The following SFI1 variants were observed in gnomAD, a reference collection of about 807,000 sequenced individuals.
The protein encoded by SFI1 is SFI1 centrin binding protein.
In SFI1, 195 loss-of-function variants were observed where a neutral mutation model predicts 207.5. The observed-to-expected ratio is 0.94, with a 90% CI of 0.84 to 1.06. SFI1 has a LOEUF of 1.06. Among genes scored for constraint, SFI1 ranks in the 50% least tolerant of loss-of-function variants. SFI1 has a pLI of 0.00. For synonymous variants in SFI1, 630 were observed against 598.9 expected, an observed-to-expected ratio of 1.05 and a Z score of -0.76; for missense variants, 1,634 against 1,588.0, an observed-to-expected ratio of 1.03 and a Z score of -0.49.
At chr22:31,569,702 C>G (rs1224584499) in intron 8 of SFI1, among the ~76,000 whole-genome samples, 1 of 152,170 alleles carries the variant, frequency 6.6e-6, no homozygotes, top group Admixed American at 6.6e-5. Flanking sequence ...AATCCCAGCA[C>G]TTTGGGAAGC....
At chr22:31,601,944 C>T (rs2068171707) in intron 15 of SFI1, among the ~76,000 whole-genome samples, 1 of 142,136 alleles carries the variant, frequency 7.0e-6, no homozygotes, top group Non-Finnish European at 1.6e-5. Context: ...AGGCACACAC[C>T]ATCACACCCA....
At chr22:31,500,050 A>C (rs1456195001) in intron 1 of SFI1, among the ~76,000 whole-genome samples, 1 of 148,848 alleles carries the variant, frequency 6.7e-6, no homozygotes, top group African/African-American at 2.5e-5. Flanking sequence ...CCTGCATTAC[A>C]GGCTCATGCC....
At chr22:31,603,606 C>T (rs892679615) in intron 17 of SFI1, 138 bp from the exon 18 acceptor site, 2 of 613,448 alleles carry the variant, frequency 3.3e-6, no homozygotes, top group African/African-American at 1.9e-5. Flanking sequence ...ACTGCAAGTT[C>T]TTTGGCAGCT....
intron 15 of SFI1, among the ~76,000 whole-genome samples, chr22:31,597,985 T>G (rs1244558254): frequency 6.6e-6 from 1 of 151,930 alleles, no homozygotes; most frequent in African/African-American, 2.4e-5. Context: ...TCATAGGTTT[T>G]TTTTTTTTTT....
chr22:31,584,748 G>A (rs757419284), intron 13 of SFI1, among the ~76,000 whole-genome samples: 26 of 151,934 alleles, frequency 1.7e-4, no homozygotes, highest in Non-Finnish European at 2.6e-4. Flanking sequence ...GACCCCCAGC[G>A]TTTGGCCATG....
In SFI1 at chr22:31,615,140, T is replaced by C. The variant is rs2071184090; in HGVS notation, c.3161T>C (p.Leu1054Pro). The C allele has an allele frequency of 6.2e-7, 1 of 1,608,938 alleles. No individual in the cohort carries two copies. The highest frequency in any genetic ancestry group is 8.5e-7 in the Non-Finnish European group (1 of 1,178,150). The change falls in exon 29 of 33, where the codon CTG becomes CCG. Residue 1054 changes from leucine (L) to proline (P), a missense_variant. Coordinates refer to ENST00000400288, the MANE Select transcript of SFI1 (RefSeq NM_001007467.3). ...RPFLAEAPTA[L>P]VPHSPLPGAL... The stretch of plus-strand genomic sequence containing the variant: ...TTCCTGGCAGAGGCCCCGACAGCAC[T>C]GGTCCCACACAGCCCCCTGCCTGGG...
At chr22:31,569,480 G>A (rs1336837436) in intron 8 of SFI1, among the ~76,000 whole-genome samples, 1 of 152,182 alleles carries the variant, frequency 6.6e-6, no homozygotes, top group Non-Finnish European at 1.5e-5. Context: ...CGAGGTTACA[G>A]TCAGCCAAAT....
chr22:31,557,319 C>T (rs1446158396), intron 7 of SFI1, among the ~76,000 whole-genome samples: 1 of 151,896 alleles, frequency 6.6e-6, no homozygotes, highest in Non-Finnish European at 1.5e-5. Context: ...GCTAGGACTA[C>T]AGGCATGCGC....
chr22:31,576,801 G>A lies in SFI1; in HGVS notation c.1084+1409G>A, dbSNP rs544670131. On this transcript the variant is annotated intron_variant, in intron 10 of 32. Coordinates refer to ENST00000400288, the MANE Select transcript of SFI1 (RefSeq NM_001007467.3). ...ATTACAGGCATGCACCACCATGTCC[G>A]GCTAATTTTTTTGTATTTTTAGTAG... is the stretch of plus-strand genomic sequence containing the variant. 1.6e-4 allele frequency among the ~76,000 whole-genome samples: 24 copies of A among 151,834 alleles called. 1 individual carries two copies. The South Asian group carries it at 5.0e-3, about 32-fold the overall frequency.
chr22:31,571,131 G>A (rs1730393021), intron 8 of SFI1, among the ~76,000 whole-genome samples: 1 of 149,752 alleles, frequency 6.7e-6, no homozygotes, highest in African/African-American at 2.4e-5. Context: ...ATGCGGTCTA[G>A]AGTCTAGAGA....
chr22:31,524,227 C>T (rs984991031), intron 2 of SFI1, among the ~76,000 whole-genome samples: 2 of 151,932 alleles, frequency 1.3e-5, no homozygotes, highest in South Asian at 4.2e-4. Flanking sequence ...AAAAAGTGTT[C>T]CCTTTTCTCT....
chr22:31,584,428 A>C (rs2064756865), intron 13 of SFI1, among the ~76,000 whole-genome samples: 1 of 152,168 alleles, frequency 6.6e-6, no homozygotes, highest in Non-Finnish European at 1.5e-5. Context: ...GGAAAGTATA[A>C]AGGGAAAAAT....
At position 31,616,728 on chromosome 22, in the gene SFI1, C is replaced by T. The variant is rs536141578; in HGVS notation, c.3301-17C>T. The T allele has an allele frequency of 6.6e-7, 1 of 1,523,056 alleles. No homozygotes were observed. The highest frequency in any genetic ancestry group is 8.8e-7 in the Non-Finnish European group (1 of 1,138,254). 94.3% of individuals were successfully genotyped at this position (1,523,056 alleles called of 1,614,324 possible). On this transcript the variant is annotated splice_polypyrimidine_tract_variant and intron_variant, in intron 29 of 32. Coordinates refer to ENST00000400288, the MANE Select transcript of SFI1 (RefSeq NM_001007467.3). ...CCTAGCTTCCTTGCTCAGCATCTAC[C>T]CTTCTTTCCTTTGCAGGTGTCAGCA...
chr22:31,520,093 C>G (rs2057034447), intron 2 of SFI1, among the ~76,000 whole-genome samples: 1 of 149,096 alleles, frequency 6.7e-6, no homozygotes, highest in East Asian at 2.0e-4. Flanking sequence ...AAATATAACA[C>G]AAATACAGAA....
At chr22:31,562,440 A>AG (rs1261634202) in intron 8 of SFI1, among the ~76,000 whole-genome samples, 2 of 149,440 alleles carry the variant, frequency 1.3e-5, no homozygotes, top group East Asian at 3.9e-4. Flanking sequence ...CCTGTCTCAA[A>AG]AAAAAAAAAA....
intron 7 of SFI1, chr22:31,559,631 G>C (rs535583958): frequency 7.9e-5 from 56 of 711,264 alleles, no homozygotes; most frequent in Admixed American, 1.2e-4. Flanking sequence ...AGCTGACGTT[G>C]ACCTCACCAA....
At chr22:31,570,593 A>T (rs1188268634) in intron 8 of SFI1, among the ~76,000 whole-genome samples, 1 of 152,186 alleles carries the variant, frequency 6.6e-6, no homozygotes, top group East Asian at 1.9e-4. Flanking sequence ...CTTAGTAGGC[A>T]GATGGTATGT....
intron 24 of SFI1, chr22:31,612,398 A>AATATATATAT (rs57948429): frequency 1.0e-4 from 6 of 60,200 alleles, no homozygotes; most frequent in African/African-American, 3.3e-4. Context: ...AAAAAAAAAA[A>AATATATATAT]ATATATATAT....
At chr22:31,568,363 C>T (rs2062607361) in intron 8 of SFI1, among the ~76,000 whole-genome samples, 1 of 150,212 alleles carries the variant, frequency 6.7e-6, no homozygotes, top group African/African-American at 2.4e-5. Context: ...CCCGTCTCTA[C>T]TAAACATACA....
Sources: allele counts gnomAD v4.1 joint callset (sites outside exome capture counted in the v4.1 genomes callset), GRCh38; gene constraint gnomAD v4.1.1; transcripts MANE v1.5; gene names NCBI Gene and HGNC (gene_info 2026-07-23, HGNC 2026-07-21).